Variants in XRRA1 observed in about 807,000 individuals in gnomAD.
XRRA1 encodes X-ray radiation resistance-associated protein 1.
A neutral mutation model predicts 80.2 loss-of-function variants in XRRA1; 69 were observed. That is an observed-to-expected ratio of 0.86 (90% CI 0.71 to 1.05). The LOEUF (loss-of-function observed/expected upper bound fraction) is 1.05, where lower values mean the gene tolerates loss of function less well. Ranked by LOEUF, XRRA1 falls within the 50% of genes least tolerant of loss-of-function variation. XRRA1 has a pLI of 0.00. For synonymous variants in XRRA1, 348 were observed against 389.9 expected, an observed-to-expected ratio of 0.89 and a Z score of 1.27; for missense variants, 967 against 976.4, an observed-to-expected ratio of 0.99 and a Z score of 0.13.
intron 7 of XRRA1, among the ~76,000 whole-genome samples, chr11:74,924,966 A>G (rs1941882460): frequency 6.6e-6 from 1 of 152,254 alleles, no homozygotes; most frequent in Non-Finnish European, 1.5e-5. Context: ...ATTAGTTATG[A>G]CCATATGAAC....
At chr11:74,866,352 CAAGCAAT>C (rs1401512827) in intron 10 of XRRA1, among the ~76,000 whole-genome samples, 2 of 152,076 alleles carry the variant, frequency 1.3e-5, no homozygotes, top group Non-Finnish European at 2.9e-5. Context: ...CTCCTGGGCT[CAAGCAAT>C]CCTCCCACCT....
intron 12 of XRRA1, among the ~76,000 whole-genome samples, chr11:74,855,597 C>G (rs921054999): frequency 1.3e-5 from 2 of 152,156 alleles, no homozygotes; most frequent in Admixed American, 6.5e-5. Context: ...AATTTCTTCT[C>G]AATCTCATTG....
chr11:74,898,147 G>A (rs542408709), intron 10 of XRRA1, among the ~76,000 whole-genome samples: 1 of 151,964 alleles, frequency 6.6e-6, no homozygotes, highest in Non-Finnish European at 1.5e-5. Context: ...GTTTTTGTTA[G>A]TTTTCTTTTG....
intron 10 of XRRA1, among the ~76,000 whole-genome samples, chr11:74,893,739 AAAAC>A (rs1293210337): frequency 1.3e-5 from 2 of 152,240 alleles, no homozygotes; most frequent in Non-Finnish European, 2.9e-5. Flanking sequence ...AAATGTCAAA[AAAAC>A]AACAGATGCT....
In XRRA1 at chr11:74,923,991, G is replaced by C. The variant is rs541440149; in HGVS notation, c.523-2644C>G. ...GCCTCAGCCTCCTGTGGGTCCACAGGCACGCACCACCATGCTAATTTTTTT... is the reference window on the plus strand; with the variant it reads ...GCCTCAGCCTCCTGTGGGTCCACAGCCACGCACCACCATGCTAATTTTTTT... On this transcript the variant is annotated intron_variant, in intron 7 of 18. Transcript: ENST00000684022. Among the ~76,000 whole-genome samples, 126 of 151,858 alleles carry C rather than the reference G, an allele frequency of 8.3e-4. 1 individual carries two copies. The highest frequency in any genetic ancestry group is 2.7e-3 in the African/African-American group (111 of 41,372).
chr11:74,896,606 GAAGGGAAGGGCACTGGGCA>G (rs1481073656), intron 10 of XRRA1, among the ~76,000 whole-genome samples: 1 of 152,198 alleles, frequency 6.6e-6, no homozygotes, highest in African/African-American at 2.4e-5. Context: ...TTGCCAACCT[GAAGGGAAGGGCACTGGGCA>G]AAGCCCAGTG....
chr11:74,856,369 G>A (rs375295918), intron 12 of XRRA1, among the ~76,000 whole-genome samples: 1 of 152,132 alleles, frequency 6.6e-6, no homozygotes, highest in Admixed American at 6.5e-5. Flanking sequence ...TGCAAACATA[G>A]AAAAATGGAA....
rs771193597 is a variant in XRRA1 at position 74,845,139 on chromosome 11, T to C, written c.1861A>G (p.Ser621Gly). ...RRKLPTAFLP[S>G]KYHGYEELLT... ...AGTTCTTCATAGCCGTGGTACTTGC[T>C]GGGAAGGAAGGCAGTTGGGAGTTTC... Residue 621 changes from serine (S) to glycine (G), a missense_variant, in exon 16 of 19, where the codon AGC becomes GGC. By Grantham distance (56) the Ser-to-Gly change is moderately conservative. Coordinates refer to ENST00000684022, the MANE Select transcript of XRRA1 (RefSeq NM_001378157.1). 29 of 1,614,066 alleles carry C rather than the reference T, an allele frequency of 1.8e-5. No homozygotes were observed. The highest frequency in any genetic ancestry group is 2.5e-5 in the Non-Finnish European group (29 of 1,179,900).
intron 10 of XRRA1, among the ~76,000 whole-genome samples, chr11:74,901,653 C>T (rs1383833804): frequency 5.3e-5 from 8 of 152,066 alleles, no homozygotes; most frequent in South Asian, 2.1e-4. Flanking sequence ...TACAGTAAAC[C>T]GATTTTCGAC....
rs182563901 is a variant in XRRA1, at chr11:74,899,024, A to G, written c.1003+7215T>C. On this transcript the variant is annotated intron_variant, in intron 10 of 18. Transcript: ENST00000684022. The stretch of plus-strand genomic sequence containing the variant: ...ATGTTAGGTCACAAAACAAGTCTTA[A>G]AACATTTTTAAAAAATCTTGAAATA... 1.6e-3 allele frequency among the ~76,000 whole-genome samples: 242 copies of G among 152,296 alleles called. 1 individual carries two copies. The highest frequency in any genetic ancestry group is 5.1e-3 in the African/African-American group (212 of 41,568).
At chr11:74,843,570 T>C (rs1054417120) in intron 18 of XRRA1, 117 bp from the exon 19 acceptor site, 9 of 1,406,068 alleles carry the variant, frequency 6.4e-6, no homozygotes, top group South Asian at 1.4e-5. Context: ...AGGAGGATGC[T>C]AAGGGGCTAA....
intron 10 of XRRA1, among the ~76,000 whole-genome samples, chr11:74,875,606 C>G (rs915162203): frequency 3.9e-5 from 6 of 152,140 alleles, no homozygotes; most frequent in Non-Finnish European, 7.3e-5. Flanking sequence ...TGGCTGGGCA[C>G]GGTGGCTCAC....
intron 1 of XRRA1, among the ~76,000 whole-genome samples, chr11:74,947,660 G>C (rs1262286348): frequency 6.6e-6 from 1 of 152,206 alleles, no homozygotes; most frequent in Non-Finnish European, 1.5e-5. Flanking sequence ...CAGGGGATCT[G>C]ACTAGTGTCC....
chr11:74,924,279 T>C (rs1192149192), intron 7 of XRRA1, among the ~76,000 whole-genome samples: 3 of 149,544 alleles, frequency 2.0e-5, no homozygotes, highest in Non-Finnish European at 3.0e-5. Context: ...ATCGAGACCA[T>C]CCTGGCTAAC....
rs559858019 is a variant in XRRA1, at chr11:74,939,406, A to G, written c.94+1379T>C. Among the ~76,000 whole-genome samples the G allele has an allele frequency of 1.7e-3, 253 of 152,300 alleles. 1 individual carries two copies. Among genetic ancestry groups the G allele is most frequent in the African/African-American group, 5.9e-3 (244 of 41,564 alleles). ...TCCCCCCACATATTTACATATTCAA[A>G]TATTTATATTAGTAGACTCATTTAT... is the stretch of plus-strand genomic sequence containing the variant. On this transcript the variant is annotated intron_variant, in intron 3 of 18. Coordinates refer to ENST00000684022, the MANE Select transcript of XRRA1 (RefSeq NM_001378157.1).
rs1200742182 is a variant in XRRA1, at chr11:74,921,361, A to G, written c.523-14T>C. On this transcript the variant is annotated splice_polypyrimidine_tract_variant and intron_variant, in intron 7 of 18. Coordinates refer to ENST00000684022, the MANE Select transcript of XRRA1 (RefSeq NM_001378157.1). ...AAGGTCCAAGAACTGCCATGCAAAG[A>G]TGAAAGATGGGGAAGGTAAGCACTC... 1.9e-6 allele frequency: 3 copies of G among 1,613,816 alleles called. No homozygotes were observed. Among genetic ancestry groups the G allele is most frequent in the Admixed American group, 3.3e-5 (2 of 60,008 alleles).
At chr11:74,907,858 C>T (rs1453657054) in intron 8 of XRRA1, among the ~76,000 whole-genome samples, 1 of 152,146 alleles carries the variant, frequency 6.6e-6, no homozygotes, top group African/African-American at 2.4e-5. Flanking sequence ...CTCAAACTCT[C>T]TGAAGATTCC....
chr11:74,914,237 C>T (rs1300992811), intron 8 of XRRA1, among the ~76,000 whole-genome samples: 3 of 152,190 alleles, frequency 2.0e-5, no homozygotes, highest in Admixed American at 6.5e-5. Flanking sequence ...CCACCTGCCT[C>T]GGCCTCCCAA....
At chr11:74,946,901 G>C (rs140913393) in intron 1 of XRRA1, among the ~76,000 whole-genome samples, 1 of 152,052 alleles carries the variant, frequency 6.6e-6, no homozygotes, top group Non-Finnish European at 1.5e-5. Context: ...ACAGGCGCCC[G>C]CCACCATGCC....
Sources: allele counts gnomAD v4.1 joint callset (sites outside exome capture counted in the v4.1 genomes callset), GRCh38; gene constraint gnomAD v4.1.1; transcripts MANE v1.5; gene names NCBI Gene and HGNC (gene_info 2026-07-23, HGNC 2026-07-21).